Variants in GPR132 observed in about 807,000 individuals in gnomAD.
The protein encoded by GPR132 is G protein-coupled receptor 132.
Under a neutral mutation model 1.9 loss-of-function variants are expected in GPR132, and 4 were observed. That is an observed-to-expected ratio of 2.13 (90% CI 1.05 to 4.87). GPR132 has a LOEUF of 4.87. Ranked by LOEUF, GPR132 falls within the 30% of genes most tolerant of loss-of-function variation. The pLI is 0.01. For synonymous variants in GPR132, 233 were observed against 234.2 expected (o/e 0.99, Z 0.05); for missense variants, 404 against 512.5 (o/e 0.79, Z 2.04).
chr14:105,053,934 TC>T, intron 3 of GPR132: 2 of 1,166,192 alleles, frequency 1.7e-6, no homozygotes, highest in South Asian at 3.2e-5. Context: ...GCAACCTGCC[TC>T]AAACACAGCT....
chr14:105,062,593 T>A (rs1886976631), intron 1 of GPR132, among the ~76,000 whole-genome samples: 1 of 147,890 alleles, frequency 6.8e-6, no homozygotes, highest in African/African-American at 2.5e-5. Context: ...CAGGCTGGAG[T>A]AAAGTGGCGC....
intron 3 of GPR132, among the ~76,000 whole-genome samples, chr14:105,053,436 A>C (rs1886706415): frequency 6.6e-6 from 1 of 152,188 alleles, no homozygotes; most frequent in African/African-American, 2.4e-5. Flanking sequence ...CTGGGATTAC[A>C]GGCGTGAGCC....
rs61737872 is a variant in GPR132, at chr14:105,051,630, G to C, written c.507C>G (p.Leu169=). 2,664 of 1,614,026 alleles carry C rather than the reference G, an allele frequency of 1.7e-3. 48 individuals carry two copies. In the African/African-American group the frequency reaches 0.032, roughly 19 times the overall value. ...ACACCGGGTAGTGAACGATCCCGAC[G>C]AGGATGAAGATGCAGGCGGAGATGA... The part of the protein sequence containing the change: ...AILISACIFI[L]VGIVHYPVFQ... The change falls in exon 4 of 4, where the codon CTC becomes CTG. Residue 169 remains leucine (L), a synonymous_variant. Coordinates refer to ENST00000329797, the MANE Select transcript of GPR132 (RefSeq NM_013345.4). This position sits in a 1 kb window ranked among gnomAD's most constrained non-coding sequence, Gnocchi z 8.0.
chr14:105,052,569 C>T (rs771315863), intron 3 of GPR132, among the ~76,000 whole-genome samples: 7 of 151,746 alleles, frequency 4.6e-5, no homozygotes, highest in African/African-American at 1.2e-4. Flanking sequence ...TCAGGTGATC[C>T]GCCTGCATCA....
chr14:105,056,075 C>T lies in GPR132; in HGVS notation c.-655G>A, dbSNP rs79372067. 6.1e-5 allele frequency: 57 copies of T among 931,748 alleles called. No homozygotes were observed. In the East Asian group the frequency reaches 2.8e-3, roughly 46 times the overall value. The allele number at this position is 931,748 out of a possible 1,614,324, so 57.7% of individuals were successfully genotyped here. On this transcript the variant is annotated 5_prime_UTR_variant, in exon 3 of 4. Coordinates refer to ENST00000329797, the MANE Select transcript of GPR132 (RefSeq NM_013345.4). This position sits in a 1 kb window ranked among gnomAD's most constrained non-coding sequence, Gnocchi z 6.0. ...GTGGTGGCGCTGGCCCACCTTCCCCCGGCGGTGTGCAGGGCTCCGGTCTCC... is the reference window on the plus strand; with the variant it reads ...GTGGTGGCGCTGGCCCACCTTCCCCTGGCGGTGTGCAGGGCTCCGGTCTCC...
chr14:105,050,268 G>A lies in GPR132; in HGVS notation c.*726C>T, dbSNP rs575589707. 5.2e-4 allele frequency: 80 copies of A among 152,688 alleles called. No homozygotes were observed. The highest frequency in any genetic ancestry group is 1.0e-3 in the Non-Finnish European group (71 of 68,392). 9.5% of individuals were successfully genotyped at this position (152,688 alleles called of 1,614,324 possible). On this transcript the variant is annotated 3_prime_UTR_variant, in exon 4 of 4. Transcript: ENST00000329797. This position sits in a 1 kb window ranked among gnomAD's most constrained non-coding sequence, Gnocchi z 4.0. The stretch of plus-strand genomic sequence containing the variant: ...TCACCAGCATCTCCCCGAGGATGCC[G>A]CTGGGGACTCCTGGCACCCCTTGCC...
intron 3 of GPR132, among the ~76,000 whole-genome samples, chr14:105,052,766 G>A (rs1886685110): frequency 6.6e-6 from 1 of 150,452 alleles, no homozygotes. Context: ...AGACCAGCCT[G>A]GCCAACATGG....
At chr14:105,064,830 G>A (rs1415767040) in intron 1 of GPR132, among the ~76,000 whole-genome samples, 3 of 152,108 alleles carry the variant, frequency 2.0e-5, no homozygotes, top group Non-Finnish European at 1.5e-5. Flanking sequence ...TGCGCCGAAC[G>A]CCACTCCAAA....
chr14:105,054,425 T>TTA, intron 3 of GPR132: 2 of 926,600 alleles, frequency 2.2e-6, no homozygotes, highest in Non-Finnish European at 2.5e-6. Flanking sequence ...CTCTTTTTTT[T>TTA]TCTTTTTTTT....
At chr14:105,061,840 G>A (rs1330989690) in intron 1 of GPR132, among the ~76,000 whole-genome samples, 3 of 152,192 alleles carry the variant, frequency 2.0e-5, no homozygotes, top group African/African-American at 7.2e-5. Context: ...CTCAGCTGTG[G>A]GGTGGGTGGG....
rs1886902274 is a variant in GPR132 at position 105,060,112 on chromosome 14, G to A, written c.-860-2832C>T. Among the ~76,000 whole-genome samples, 2 of 152,214 alleles carry A rather than the reference G, an allele frequency of 1.3e-5. No individual in the cohort carries two copies. The highest frequency in any genetic ancestry group is 6.5e-5 in the Admixed American group (1 of 15,288). ...GGCCAGCCCCCTGAGTGGAGATGGT[G>A]GGGCAGCGCTGAGGGTCTTCAGACT... On this transcript the variant is annotated intron_variant, in intron 1 of 3. Transcript: ENST00000329797. This position sits in a 1 kb window ranked among gnomAD's most constrained non-coding sequence, Gnocchi z 6.3.
chr14:105,062,696 G>A (rs1275009579), intron 1 of GPR132, among the ~76,000 whole-genome samples: 1 of 151,144 alleles, frequency 6.6e-6, no homozygotes, highest in African/African-American at 2.4e-5. Context: ...ACACCACCAC[G>A]TCCAGCTACT....
At chr14:105,058,766 G>T (rs188354279) in intron 1 of GPR132, among the ~76,000 whole-genome samples, 1 of 152,366 alleles carries the variant, frequency 6.6e-6, no homozygotes, top group East Asian at 1.9e-4. Context: ...GGCATGCAGG[G>T]GGGTGGCGCA....
rs779818624 is a variant in GPR132, at chr14:105,051,898, T to C, written c.239A>G (p.Tyr80Cys). The C allele has an allele frequency of 5.0e-5, 81 of 1,613,494 alleles. No individual in the cohort carries two copies. The highest frequency in any genetic ancestry group is 6.5e-5 in the Non-Finnish European group (77 of 1,179,922). Residue 80 changes from tyrosine to cysteine, a missense_variant, in exon 4 of 4, where the codon TAC (tyrosine) becomes TGC (cysteine). By Grantham distance (194) the Tyr-to-Cys change is radical. Transcript: ENST00000329797. This position sits in a 1 kb window ranked among gnomAD's most constrained non-coding sequence, Gnocchi z 8.0. ...CTCGCAGAGTGCCAGGCAGAGCAGGTAGACGGCCAGCACGTTGCCCTGCAG... is the reference window on the plus strand; with the variant it reads ...CTCGCAGAGTGCCAGGCAGAGCAGGCAGACGGCCAGCACGTTGCCCTGCAG... Reference protein sequence around the residue: ...QVLQGNVLAVYLLCLALCELL... With the variant: ...QVLQGNVLAVCLLCLALCELL...
At position 105,051,929 on chromosome 14, in the gene GPR132, G is replaced by A. The variant is rs1233841582; in HGVS notation, c.208C>T (p.Gln70Ter). 6.2e-7 allele frequency: 1 copy of A among 1,613,524 alleles called. No individual in the cohort carries two copies. The highest frequency in any genetic ancestry group is 1.7e-5 in the Admixed American group (1 of 60,022). ...GCCAGCACGTTGCCCTGCAGTACCTGCAGCAGCGCCAGCCACGCAGTCAGG... is the reference window on the plus strand; with the variant it reads ...GCCAGCACGTTGCCCTGCAGTACCTACAGCAGCGCCAGCCACGCAGTCAGG... ...NCLTAWLALL[Q>*]VLQGNVLAVY... The change falls in exon 4 of 4, where the codon CAG becomes TAG. Residue 70 changes from glutamine (Q) to a stop codon, truncating the protein, a stop_gained. Transcript: ENST00000329797. LOFTEE classifies it low-confidence loss of function (END_TRUNC). This position sits in a 1 kb window ranked among gnomAD's most constrained non-coding sequence, Gnocchi z 8.0.
chr14:105,059,458 C>T lies in GPR132; in HGVS notation c.-860-2178G>A, dbSNP rs1438340380. Among the ~76,000 whole-genome samples the T allele has an allele frequency of 1.3e-5, 2 of 152,150 alleles. No homozygotes were observed. Among genetic ancestry groups the T allele is most frequent in the Non-Finnish European group, 2.9e-5 (2 of 68,016 alleles). ...CTGGGAACTGCTCAGCGCCGATCTG[C>T]CTGGCGTTCTATTCAGTCATCCCTC... On this transcript the variant is annotated intron_variant, in intron 1 of 3. Transcript: ENST00000329797. This position sits in a 1 kb window ranked among gnomAD's most constrained non-coding sequence, Gnocchi z 4.2.
rs1423439266 is a variant in GPR132 at position 105,056,041 on chromosome 14, T to A, written c.-621A>T. On this transcript the variant is annotated 5_prime_UTR_variant, in exon 3 of 4. Transcript: ENST00000329797. This position sits in a 1 kb window ranked among gnomAD's most constrained non-coding sequence, Gnocchi z 6.0. The stretch of plus-strand genomic sequence containing the variant: ...CATCTCGTGGGGTGCCTCCGCGCTG[T>A]TCTCCACGGTGGTGGCGCTGGCCCA... 1.2e-5 allele frequency: 8 copies of A among 646,766 alleles called. No individual in the cohort carries two copies. In the East Asian group the frequency reaches 9.6e-4, roughly 77 times the overall value. 40.1% of individuals were successfully genotyped at this position (646,766 alleles called of 1,614,324 possible).
chr14:105,064,400 C>G (rs1348701514), intron 1 of GPR132, among the ~76,000 whole-genome samples: 1 of 152,122 alleles, frequency 6.6e-6, no homozygotes, highest in African/African-American at 2.4e-5. Flanking sequence ...ATGGCGCGAT[C>G]TCGGCTCACT....
intron 3 of GPR132, chr14:105,053,856 C>T: frequency 4.3e-6 from 4 of 925,906 alleles, no homozygotes; most frequent in Non-Finnish European, 5.5e-6. Context: ...ATCTGGTGGG[C>T]CCAATGGAAT....
Sources: gnomAD v4.1 joint callset for allele counts (sites outside exome capture counted in the v4.1 genomes callset) on GRCh38, gnomAD v4.1.1 for gene constraint, Gnocchi (gnomAD v3.1) non-coding constraint, MANE v1.5 for transcripts, NCBI Gene and HGNC (gene_info 2026-07-23, HGNC 2026-07-21) for gene names.